GRID1: variants seen among roughly 807,000 people sequenced by gnomAD.
GRID1 encodes the protein glutamate receptor ionotropic, delta-1.
Under a neutral mutation model 98.0 loss-of-function variants are expected in GRID1, and 28 were observed. That is an observed-to-expected ratio of 0.29 (90% CI 0.21 to 0.39). GRID1 has a LOEUF of 0.39. Among genes scored for constraint, GRID1 ranks in the 10% least tolerant of loss-of-function variants. GRID1 has a pLI of 1.00. For synonymous variants in GRID1, 553 were observed against 538.5 expected, an observed-to-expected ratio of 1.03 and a Z score of -0.37; for missense variants, 1,111 against 1,340.5, an observed-to-expected ratio of 0.83 and a Z score of 2.67.
At chr10:85,851,180 T>G (rs1279417088) in intron 8 of GRID1, among the ~76,000 whole-genome samples, 6 of 151,984 alleles carry the variant, frequency 3.9e-5, no homozygotes, top group Non-Finnish European at 1.5e-5. Context: ...GAAAAAAACA[T>G]GACACCAACA....
intron 13 of GRID1, among the ~76,000 whole-genome samples, chr10:85,636,419 G>A (rs1402737605): frequency 6.6e-6 from 1 of 152,100 alleles, no homozygotes; most frequent in Non-Finnish European, 1.5e-5. Flanking sequence ...ATTTAAGGAA[G>A]AAATTTACAT....
At chr10:86,302,474 G>A (rs1847702728) in intron 2 of GRID1, among the ~76,000 whole-genome samples, 1 of 152,186 alleles carries the variant, frequency 6.6e-6, no homozygotes, top group South Asian at 2.1e-4. Context: ...CAGAGCCTCT[G>A]CCTACAACCT....
intron 2 of GRID1, among the ~76,000 whole-genome samples, chr10:86,359,832 G>T (rs928320699): frequency 6.6e-6 from 1 of 152,154 alleles, no homozygotes; most frequent in African/African-American, 2.4e-5. Context: ...AACAAATTAG[G>T]ATCTCTTTTA....
At chr10:85,892,412 G>C (rs947119436) in intron 5 of GRID1, among the ~76,000 whole-genome samples, 2 of 151,630 alleles carry the variant, frequency 1.3e-5, no homozygotes, top group African/African-American at 4.8e-5. Flanking sequence ...CATAACCAAA[G>C]AGAGGCAAAG....
intron 2 of GRID1, among the ~76,000 whole-genome samples, chr10:86,284,445 G>A (rs914547302): frequency 6.6e-6 from 1 of 152,218 alleles, no homozygotes; most frequent in African/African-American, 2.4e-5. Flanking sequence ...CCAAGCCGTG[G>A]AGACTACAAA....
At chr10:86,257,591 T>C (rs933165598) in intron 2 of GRID1, among the ~76,000 whole-genome samples, 10 of 152,176 alleles carry the variant, frequency 6.6e-5, no homozygotes, top group Non-Finnish European at 1.3e-4. Context: ...TATCATACCC[T>C]AGATAAGGAG....
intron 8 of GRID1, among the ~76,000 whole-genome samples, chr10:85,824,568 T>A (rs1276704670): frequency 6.6e-6 from 1 of 152,196 alleles, no homozygotes; most frequent in African/African-American, 2.4e-5. Flanking sequence ...CAATAGCTTT[T>A]CAGGTACAAG....
intron 8 of GRID1, among the ~76,000 whole-genome samples, chr10:85,818,725 A>ATT (rs199713936): frequency 0.025 from 3,653 of 148,586 alleles, 136 homozygotes; most frequent in African/African-American, 0.083. Context: ...AGCAATAGTA[A>ATT]TTTTTTTTTT....
At chr10:85,684,161 G>A (rs1841241666) in intron 12 of GRID1, among the ~76,000 whole-genome samples, 1 of 152,140 alleles carries the variant, frequency 6.6e-6, no homozygotes, top group Non-Finnish European at 1.5e-5. Flanking sequence ...GGACTATGAA[G>A]CAAGTCAGAA....
rs1416178283 is a variant in GRID1, at chr10:86,206,553, T to C, written c.331A>G (p.Ile111Val). ...ALQSLTDAMH[I>V]PHLFVQRNPG... Reference sequence around the variant, plus strand: ...TTGCGCTGGACAAAGAGGTGTGGGATGTGCATGGCATCCGTGAGGGACTGC... The same window carrying C: ...TTGCGCTGGACAAAGAGGTGTGGGACGTGCATGGCATCCGTGAGGGACTGC... Residue 111 changes from isoleucine (I) to valine (V), a missense_variant, in exon 3 of 16, where the codon ATC (isoleucine) becomes GTC (valine). By Grantham distance (29) the Ile-to-Val change is conservative. Coordinates refer to ENST00000327946, the MANE Select transcript of GRID1 (RefSeq NM_017551.3). This position sits in a 1 kb window ranked among gnomAD's most constrained non-coding sequence, Gnocchi z 4.1. 2 of 1,614,054 alleles carry C rather than the reference T, an allele frequency of 1.2e-6. No homozygotes were observed. Among genetic ancestry groups the C allele is most frequent in the African/African-American group, 2.7e-5 (2 of 74,928 alleles).
intron 5 of GRID1, among the ~76,000 whole-genome samples, chr10:85,880,382 T>C (rs1321626655): frequency 6.6e-6 from 1 of 152,178 alleles, no homozygotes; most frequent in African/African-American, 2.4e-5. Context: ...AATAAAATAC[T>C]GGCAAACTGA....
At chr10:86,291,585 A>C (rs1162361255) in intron 2 of GRID1, among the ~76,000 whole-genome samples, 1 of 151,980 alleles carries the variant, frequency 6.6e-6, no homozygotes, top group East Asian at 1.9e-4. Flanking sequence ...CCCTCCAGAC[A>C]CCTTCTCCTG....
chr10:85,624,161 A>T (rs1028687025), intron 13 of GRID1, among the ~76,000 whole-genome samples: 1 of 152,224 alleles, frequency 6.6e-6, no homozygotes, highest in Non-Finnish European at 1.5e-5. Context: ...TTGCAAATAG[A>T]TTATTGGCAT....
chr10:86,346,861 C>A (rs1848390923), intron 2 of GRID1, among the ~76,000 whole-genome samples: 1 of 152,188 alleles, frequency 6.6e-6, no homozygotes, highest in African/African-American at 2.4e-5. Context: ...GAGATCCCCA[C>A]CCACAATGTA....
At position 86,291,877 on chromosome 10, in the gene GRID1, G is replaced by A. The variant is rs150350117; in HGVS notation, c.235+72064C>T. Among the ~76,000 whole-genome samples, 19 of 152,330 alleles carry A rather than the reference G, an allele frequency of 1.2e-4. No individual in the cohort carries two copies. In the East Asian group the frequency reaches 2.9e-3, roughly 23 times the overall value. On this transcript the variant is annotated intron_variant, in intron 2 of 15. Transcript: ENST00000327946. ...AGCAATTCAACATGCGGCCCTGATC[G>A]AGGGGTTATCATGCCCACCTGACAG... is the stretch of plus-strand genomic sequence containing the variant.
chr10:85,658,533 T>TTAG (rs1256630362), intron 12 of GRID1, among the ~76,000 whole-genome samples: 2 of 152,204 alleles, frequency 1.3e-5, no homozygotes, highest in Non-Finnish European at 2.9e-5. Flanking sequence ...CCTGTCCATA[T>TTAG]TAGTATCATC....
At chr10:86,279,306 C>T (rs1847320457) in intron 2 of GRID1, among the ~76,000 whole-genome samples, 1 of 152,154 alleles carries the variant, frequency 6.6e-6, no homozygotes, top group South Asian at 2.1e-4. Flanking sequence ...GATAAGCTTC[C>T]AGTTGACAGT....
At chr10:86,095,851 C>T (rs1216131913) in intron 4 of GRID1, among the ~76,000 whole-genome samples, 3 of 152,078 alleles carry the variant, frequency 2.0e-5, no homozygotes, top group South Asian at 2.1e-4. Context: ...ATCCAGCAAT[C>T]GAACTACTGG....
chr10:86,335,035 C>A (rs1050650216), intron 2 of GRID1, among the ~76,000 whole-genome samples: 2 of 152,246 alleles, frequency 1.3e-5, no homozygotes, highest in African/African-American at 2.4e-5. Flanking sequence ...GCACATCCTG[C>A]TGTAATATTT....
Sources: allele counts gnomAD v4.1 joint callset (sites outside exome capture counted in the v4.1 genomes callset), GRCh38; gene constraint gnomAD v4.1.1; non-coding constraint Gnocchi (gnomAD v3.1); transcripts MANE v1.5; gene names NCBI Gene and HGNC (gene_info 2026-07-23, HGNC 2026-07-21).